RSRC1: variants seen among roughly 807,000 people sequenced by gnomAD.
The protein encoded by RSRC1 is arginine and serine rich coiled-coil 1, also known as serine/Arginine-related protein 53.
RSRC1 carries 39 observed loss-of-function variants against 49.1 expected under a neutral mutation model. The ratio of observed to expected loss-of-function variants is 0.79; its 90% confidence interval spans 0.61 to 1.04. The LOEUF (loss-of-function observed/expected upper bound fraction) is 1.04, where lower values mean the gene tolerates loss of function less well. RSRC1 is among the 50% of genes least tolerant of loss of function. The pLI, the probability that RSRC1 is intolerant of heterozygous loss-of-function variation, is 0.00. For missense variants in RSRC1, 388 were observed against 402.4 expected (o/e 0.96, Z 0.31); for synonymous variants, 143 against 130.8 (o/e 1.09, Z -0.63).
chr3:158,480,524 T>C (rs1738566500), intron 7 of RSRC1, among the ~76,000 whole-genome samples: 1 of 152,096 alleles, frequency 6.6e-6, no homozygotes, highest in Non-Finnish European at 1.5e-5. Flanking sequence ...CTAATTTTTA[T>C]ATTATAGTCT....
At chr3:158,313,069 T>C (rs1728216496) in intron 5 of RSRC1, among the ~76,000 whole-genome samples, 1 of 152,138 alleles carries the variant, frequency 6.6e-6, no homozygotes, top group African/African-American at 2.4e-5. Flanking sequence ...TGCTTTTCCC[T>C]TTGTTCAAAA....
At chr3:158,339,651 A>G (rs1324128481) in intron 5 of RSRC1, among the ~76,000 whole-genome samples, 2 of 152,196 alleles carry the variant, frequency 1.3e-5, no homozygotes, top group Non-Finnish European at 2.9e-5. Context: ...TATGACACTA[A>G]GGAGGATTTT....
intron 6 of RSRC1, among the ~76,000 whole-genome samples, chr3:158,442,325 C>A (rs1175630727): frequency 6.6e-6 from 1 of 152,098 alleles, no homozygotes; most frequent in African/African-American, 2.4e-5. Context: ...TGGAGTCAAT[C>A]CTCTCAAACT....
At chr3:158,484,089 A>AT (rs904694359) in intron 7 of RSRC1, among the ~76,000 whole-genome samples, 13 of 152,016 alleles carry the variant, frequency 8.6e-5, no homozygotes, top group Non-Finnish European at 1.5e-4. Flanking sequence ...TTTAAAGTTG[A>AT]TTTTTTCCTG....
chr3:158,171,087 G>A (rs1718856338), intron 3 of RSRC1, among the ~76,000 whole-genome samples: 1 of 152,130 alleles, frequency 6.6e-6, no homozygotes, highest in African/African-American at 2.4e-5. Flanking sequence ...TGTATGACTG[G>A]CACAAGACCT....
intron 7 of RSRC1, among the ~76,000 whole-genome samples, chr3:158,467,702 T>C (rs941436369): frequency 5.9e-5 from 9 of 152,206 alleles, no homozygotes; most frequent in Non-Finnish European, 1.3e-4. Context: ...ATGGGCTAAA[T>C]TGTTTAAGGT....
intron 4 of RSRC1, among the ~76,000 whole-genome samples, chr3:158,204,105 A>T (rs1721220208): frequency 6.6e-6 from 1 of 152,158 alleles, no homozygotes; most frequent in East Asian, 1.9e-4. Flanking sequence ...TTAATGTATT[A>T]GTTTTCCATG....
intron 6 of RSRC1, among the ~76,000 whole-genome samples, chr3:158,454,223 T>C (rs1437548793): frequency 2.6e-5 from 4 of 152,144 alleles, no homozygotes; most frequent in South Asian, 2.1e-4. Context: ...TTAGAACATA[T>C]AGATCTTTCT....
intron 5 of RSRC1, chr3:158,336,455 G>T: frequency 6.3e-6 from 1 of 159,142 alleles, no homozygotes. Flanking sequence ...AGGGTCACTG[G>T]GGTGAGACCA....
intron 4 of RSRC1, chr3:158,276,511 A>G (rs1235536255): frequency 3.6e-6 from 2 of 558,248 alleles, no homozygotes; most frequent in East Asian, 2.9e-5. Flanking sequence ...TTTTCATGTT[A>G]CCCCTCTTTT....
intron 3 of RSRC1, among the ~76,000 whole-genome samples, chr3:158,198,402 A>G (rs949868977): frequency 6.6e-6 from 1 of 151,956 alleles, no homozygotes; most frequent in African/African-American, 2.4e-5. Flanking sequence ...TGTGAGATGG[A>G]TTTCCTGAAT....
At chr3:158,344,297 A>C (rs1730427597) in intron 5 of RSRC1, among the ~76,000 whole-genome samples, 1 of 152,170 alleles carries the variant, frequency 6.6e-6, no homozygotes, top group South Asian at 2.1e-4. Flanking sequence ...AATTACATCA[A>C]GTCACATCAT....
intron 7 of RSRC1, among the ~76,000 whole-genome samples, chr3:158,499,424 G>A (rs1024494159): frequency 6.6e-6 from 1 of 151,832 alleles, no homozygotes; most frequent in Non-Finnish European, 1.5e-5. Flanking sequence ...GAAGAATGAT[G>A]GTGGTATTTT....
intron 1 of RSRC1, among the ~76,000 whole-genome samples, chr3:158,118,462 T>TGTGTGTGTGTGTGTGTGTGCGCGCGC (rs1491469875): frequency 1.6e-4 from 20 of 124,714 alleles, no homozygotes; most frequent in African/African-American, 3.0e-4. Context: ...TGTGTGTGTG[T>TGTGTGTGTGTGTGTGTGTGCGCGCGC]GCGCGTGCGC....
At chr3:158,532,676 A>G (rs1236911418) in intron 7 of RSRC1, among the ~76,000 whole-genome samples, 1 of 151,774 alleles carries the variant, frequency 6.6e-6, no homozygotes, top group Non-Finnish European at 1.5e-5. Flanking sequence ...TGAGTCTATT[A>G]TTTTTTATTT....
At chr3:158,505,070 A>G (rs370041011) in intron 7 of RSRC1, among the ~76,000 whole-genome samples, 1 of 152,348 alleles carries the variant, frequency 6.6e-6, no homozygotes, top group East Asian at 1.9e-4. Context: ...AAAATCAATA[A>G]ACTTAACAGT....
At chr3:158,366,802 G>A (rs990478275) in intron 6 of RSRC1, among the ~76,000 whole-genome samples, 3 of 151,946 alleles carry the variant, frequency 2.0e-5, no homozygotes, top group African/African-American at 7.2e-5. Flanking sequence ...TTTTCCCATT[G>A]GTTTGTGTCC....
intron 5 of RSRC1, among the ~76,000 whole-genome samples, chr3:158,310,644 T>C (rs1429782638): frequency 6.6e-6 from 1 of 151,734 alleles, no homozygotes; most frequent in Non-Finnish European, 1.5e-5. Flanking sequence ...GTTTGATAAA[T>C]TTAGAGAAGC....
At chr3:158,265,055 T>G (rs1414271517) in intron 4 of RSRC1, among the ~76,000 whole-genome samples, 1 of 152,190 alleles carries the variant, frequency 6.6e-6, no homozygotes, top group Non-Finnish European at 1.5e-5. Context: ...ACTGCCTTGG[T>G]CTGCCTGGAC....
Sources: gnomAD v4.1 joint callset for allele counts (sites outside exome capture counted in the v4.1 genomes callset) on GRCh38, gnomAD v4.1.1 for gene constraint, MANE v1.5 for transcripts, NCBI Gene and HGNC (gene_info 2026-07-23, HGNC 2026-07-21) for gene names.